PPARGC1A: variants seen among roughly 807,000 people sequenced by gnomAD.
PPARGC1A encodes PPARG coactivator 1 alpha.
Under a neutral mutation model 88.7 loss-of-function variants are expected in PPARGC1A, and 25 were observed. The observed-to-expected ratio is 0.28, with a 90% CI of 0.21 to 0.39. PPARGC1A has a LOEUF of 0.39. PPARGC1A is among the 10% of genes least tolerant of loss of function. The pLI is 1.00. For synonymous variants in PPARGC1A, 363 were observed against 355.6 expected, an observed-to-expected ratio of 1.02 and a Z score of -0.24; for missense variants, 880 against 968.7, an observed-to-expected ratio of 0.91 and a Z score of 1.22.
the PPARGC1A span, among the ~76,000 whole-genome samples, chr4:23,955,750 T>C: frequency 6.6e-6 from 1 of 152,114 alleles, no homozygotes; most frequent in African/African-American, 2.4e-5. Context: ...TTTGTTCTGA[T>C]CTCATGAGGT....
intron 2 of PPARGC1A, among the ~76,000 whole-genome samples, chr4:23,842,234 A>G (rs60459568): frequency 0.076 from 11,502 of 152,184 alleles, 509 homozygotes; most frequent in East Asian, 0.19. Context: ...GTTGCTTTGC[A>G]AATGATTCTC....
At chr4:24,237,747 C>T in the PPARGC1A span, among the ~76,000 whole-genome samples, 1 of 152,202 alleles carries the variant, frequency 6.6e-6, no homozygotes, top group African/African-American at 2.4e-5. Context: ...CCATAAGACA[C>T]TGCAAAACTA....
At chr4:24,099,348 T>C in the PPARGC1A span, among the ~76,000 whole-genome samples, 1 of 151,928 alleles carries the variant, frequency 6.6e-6, no homozygotes, top group African/African-American at 2.4e-5. Flanking sequence ...GCCATATCTT[T>C]TGATTTTAAA....
the PPARGC1A span, among the ~76,000 whole-genome samples, chr4:24,038,656 A>G: frequency 6.6e-6 from 1 of 152,140 alleles, no homozygotes; most frequent in Non-Finnish European, 1.5e-5. Context: ...GTAGGGGAAG[A>G]GTCATTCTAT....
At chr4:24,046,684 G>A in the PPARGC1A span, among the ~76,000 whole-genome samples, 1 of 152,198 alleles carries the variant, frequency 6.6e-6, no homozygotes, top group Non-Finnish European at 1.5e-5. Context: ...TGGGCACACA[G>A]CTGGAGTTCA....
At chr4:23,839,030 T>C (rs1354472301) in intron 2 of PPARGC1A, among the ~76,000 whole-genome samples, 1 of 152,156 alleles carries the variant, frequency 6.6e-6, no homozygotes, top group Non-Finnish European at 1.5e-5. Flanking sequence ...AAATAAAATA[T>C]AAACAAAATT....
the PPARGC1A span, among the ~76,000 whole-genome samples, chr4:24,105,748 C>T: frequency 1.3e-5 from 2 of 152,070 alleles, no homozygotes; most frequent in African/African-American, 4.8e-5. Context: ...AGAGTGATAT[C>T]CAAACAAGAT....
intron 10 of PPARGC1A, among the ~76,000 whole-genome samples, chr4:23,807,724 GTTTTT>G (rs907003976): frequency 6.6e-6 from 1 of 151,578 alleles, no homozygotes; most frequent in African/African-American, 2.4e-5. Context: ...CTTGTGTTGT[GTTTTT>G]TTCTTTTGTG....
At chr4:24,448,831 C>T in the PPARGC1A span, among the ~76,000 whole-genome samples, 11 of 152,102 alleles carry the variant, frequency 7.2e-5, no homozygotes, top group South Asian at 2.1e-4. Context: ...AGAAGGGAGG[C>T]GGGGAAACAA....
chr4:23,839,210 C>T (rs1022190768), intron 2 of PPARGC1A, among the ~76,000 whole-genome samples: 14 of 152,054 alleles, frequency 9.2e-5, no homozygotes, highest in East Asian at 1.9e-4. Flanking sequence ...GTACTGTACA[C>T]GTGAAATTCA....
At chr4:24,089,943 C>T in the PPARGC1A span, among the ~76,000 whole-genome samples, 318 of 152,306 alleles carry the variant, frequency 2.1e-3, no homozygotes, top group African/African-American at 7.3e-3. Flanking sequence ...GCAATATTTT[C>T]ATTAGAAGCC....
the PPARGC1A span, among the ~76,000 whole-genome samples, chr4:24,328,465 C>T: frequency 2.0e-5 from 3 of 152,278 alleles, no homozygotes; most frequent in Non-Finnish European, 1.5e-5. Flanking sequence ...AAAAGAGGCA[C>T]TCAAAGACAT....
chr4:24,229,287 G>A, the PPARGC1A span, among the ~76,000 whole-genome samples: 13,893 of 149,886 alleles, frequency 0.093, 780 homozygotes, highest in Non-Finnish European at 0.14. Flanking sequence ...CTGAGTAGCC[G>A]GGATTACAGA....
At chr4:24,438,128 A>G in the PPARGC1A span, among the ~76,000 whole-genome samples, 24 of 152,258 alleles carry the variant, frequency 1.6e-4, no homozygotes, top group Middle Eastern at 6.8e-3. Flanking sequence ...GAGAAAGATA[A>G]CCTGACTCAA....
the PPARGC1A span, among the ~76,000 whole-genome samples, chr4:24,011,502 C>T: frequency 5.3e-5 from 8 of 152,150 alleles, no homozygotes; most frequent in Admixed American, 5.2e-4. Flanking sequence ...AACATGCTAA[C>T]GTTGCTTAGT....
At chr4:24,406,606 T>G in the PPARGC1A span, among the ~76,000 whole-genome samples, 3 of 152,182 alleles carry the variant, frequency 2.0e-5, no homozygotes, top group African/African-American at 7.2e-5. Context: ...TTTCAAACAT[T>G]GTTAAGAAAT....
chr4:24,020,399 G>A, the PPARGC1A span, among the ~76,000 whole-genome samples: 522 of 152,216 alleles, frequency 3.4e-3, 7 homozygotes, highest in African/African-American at 0.012. Flanking sequence ...AATATTGACT[G>A]TACCTATCAT....
At chr4:24,141,189 G>C in the PPARGC1A span, among the ~76,000 whole-genome samples, 1 of 152,210 alleles carries the variant, frequency 6.6e-6, no homozygotes, top group Non-Finnish European at 1.5e-5. Flanking sequence ...ATATAACTAA[G>C]ACAAAATGAT....
upstream of PPARGC1A, among the ~76,000 whole-genome samples, chr4:23,894,244 A>AT (rs1718250482): frequency 1.3e-5 from 2 of 152,156 alleles, no homozygotes; most frequent in African/African-American, 4.8e-5. Flanking sequence ...AATTGCTAAT[A>AT]TTTTTCAAGT....
Sources: gnomAD v4.1 joint callset for allele counts (sites outside exome capture counted in the v4.1 genomes callset) on GRCh38, gnomAD v4.1.1 for gene constraint, MANE v1.5 for transcripts, NCBI Gene and HGNC (gene_info 2026-07-23, HGNC 2026-07-21) for gene names.